The following RAD52 variants were observed in gnomAD, a reference collection of about 807,000 sequenced individuals.
RAD52 encodes the protein DNA repair protein RAD52 homolog.
Under a neutral mutation model 55.5 loss-of-function variants are expected in RAD52, and 47 were observed. The observed-to-expected ratio is 0.85, with a 90% confidence interval of 0.67 to 1.08. RAD52 has a LOEUF of 1.08. Among genes scored for constraint, RAD52 ranks in the 50% least tolerant of loss-of-function variants. The probability of loss-of-function intolerance (pLI) is 0.00; values close to 1 mark genes in which losing one functional copy is unlikely to be tolerated. For missense variants in RAD52, 468 were observed against 522.8 expected, an observed-to-expected ratio of 0.90 and a Z score of 1.02; for synonymous variants, 184 against 198.9, an observed-to-expected ratio of 0.92 and a Z score of 0.63.
chr12:978,485 A>G (rs1400648038), intron 1 of RAD52, among the ~76,000 whole-genome samples: 1 of 152,182 alleles, frequency 6.6e-6, no homozygotes, highest in African/African-American at 2.4e-5. Context: ...TTGCTTCATC[A>G]TTTTTGAATT....
At chr12:960,389 T>C (rs570897995) in intron 1 of RAD52, among the ~76,000 whole-genome samples, 1 of 152,316 alleles carries the variant, frequency 6.6e-6, no homozygotes, top group South Asian at 2.1e-4. Flanking sequence ...GGTTTTTCAC[T>C]TGAGTAACCG....
intron 9 of RAD52, 92 bp downstream of exon 9, chr12:916,252 G>A (rs1322260113): frequency 5.8e-6 from 9 of 1,550,008 alleles, no homozygotes; most frequent in East Asian, 2.3e-5. Flanking sequence ...GTTTGGAGCC[G>A]GCCCAGGGTT....
At chr12:916,155 G>A (rs1956358262) in intron 9 of RAD52, 189 bp downstream of exon 9, 5 of 1,304,048 alleles carry the variant, frequency 3.8e-6, no homozygotes, top group Non-Finnish European at 4.9e-6. Flanking sequence ...CTTTAGAAAC[G>A]GGAAAATGTA....
chr12:934,180 TTA>T (rs1404798208), intron 1 of RAD52, among the ~76,000 whole-genome samples: 1 of 151,094 alleles, frequency 6.6e-6, no homozygotes, highest in Non-Finnish European at 1.5e-5. Flanking sequence ...AAAAATTCAA[TTA>T]TCAGCCAGAC....
chr12:947,760 C>A lies in RAD52; in HGVS notation c.-19+1842G>T, dbSNP rs113538173. Among the ~76,000 whole-genome samples the A allele has an allele frequency of 6.4e-4, 97 of 151,400 alleles. No individual in the cohort carries two copies. The East Asian group carries it at 0.019, about 29-fold the overall frequency. On this transcript the variant is annotated intron_variant, in intron 1 of 11. Coordinates refer to ENST00000358495, the MANE Select transcript of RAD52 (RefSeq NM_134424.4). Reference sequence around the variant, plus strand: ...AAAATTAGCCGGGCATAGTGGCATGCGCCTGTAAGCCCAGTTACCGAGGAG... The same window carrying A: ...AAAATTAGCCGGGCATAGTGGCATGAGCCTGTAAGCCCAGTTACCGAGGAG...
intron 7 of RAD52, among the ~76,000 whole-genome samples, chr12:923,918 T>C (rs1172737998): frequency 1.3e-5 from 2 of 150,076 alleles, no homozygotes; most frequent in Non-Finnish European, 3.0e-5. Context: ...TAGCTGGGCA[T>C]GGTGGTGGCT....
rs1229809914 is a variant in RAD52 at position 912,343 on chromosome 12, T to G, written c.*1048A>C. On this transcript the variant is annotated 3_prime_UTR_variant, in exon 12 of 12. Coordinates refer to ENST00000358495, the MANE Select transcript of RAD52 (RefSeq NM_134424.4). ...CCCAGCCCTCTTCAGCTGCAGTGTA[T>G]CTTCTTATACAAAAACTCTGTTTCA... 1 of 202,146 alleles carries G rather than the reference T, an allele frequency of 4.9e-6. No homozygotes were observed. The highest frequency in any genetic ancestry group is 1.0e-5 in the Non-Finnish European group (1 of 98,430). 12.5% of individuals were successfully genotyped at this position (202,146 alleles called of 1,614,324 possible).
chr12:940,942 GA>G (rs1470223858), intron 1 of RAD52, among the ~76,000 whole-genome samples: 2 of 152,098 alleles, frequency 1.3e-5, no homozygotes, highest in African/African-American at 4.8e-5. Flanking sequence ...CAATTGAAGT[GA>G]AATTGAACTC....
chr12:933,693 A>G (rs1447461510), intron 1 of RAD52, among the ~76,000 whole-genome samples: 4 of 152,196 alleles, frequency 2.6e-5, no homozygotes, highest in Non-Finnish European at 4.4e-5. Flanking sequence ...TAAAATCAAA[A>G]TTACAAAAAA....
rs1447877256 is a variant in RAD52 at position 916,769 on chromosome 12, A to G, written c.595T>C (p.Ser199Pro). 14 of 1,614,080 alleles carry G rather than the reference A, an allele frequency of 8.7e-6. No individual in the cohort carries two copies. The highest frequency in any genetic ancestry group is 1.1e-5 in the Non-Finnish European group (13 of 1,179,984). ...TKAKRQDLEP[S>P]VEEARYNSCR... The stretch of plus-strand genomic sequence containing the variant: ...CTGTTGTATCTTGCCTCCTCCACAG[A>G]CGGTTCAAGATCTTGTCTCTTCGCT... Residue 199 changes from serine to proline, a missense_variant, in exon 8 of 12, where the codon TCT becomes CCT. Ser to Pro is a moderately conservative substitution (Grantham distance 74, BLOSUM62 -1). Transcript: ENST00000358495.
chr12:972,477 C>T (rs529144897), intron 1 of RAD52, among the ~76,000 whole-genome samples: 15 of 151,278 alleles, frequency 9.9e-5, no homozygotes, highest in East Asian at 1.9e-4. Context: ...TTAGAAGGGT[C>T]GCTCTTAGGC....
rs1957593336 is a variant in RAD52 at position 935,867 on chromosome 12, AATAAATAAAT to A, written c.-18-2801_-18-2792del. 1.4e-4 allele frequency among the ~76,000 whole-genome samples: 3 copies of A among 21,252 alleles called. No homozygotes were observed. In the Admixed American group the frequency reaches 1.6e-3, roughly 11 times the overall value. The allele number at this position is 21,252 out of a possible 152,430, so 13.9% of individuals were successfully genotyped here. The stretch of plus-strand genomic sequence containing the variant: ...AAACTCCGTCTCAAAAAAATAAATA[AATAAATAAAT>A]AAATAAATAAATAAATAAATAACTA... On this transcript the variant is annotated intron_variant, in intron 1 of 11. Transcript: ENST00000358495.
chr12:911,742 G>T lies in RAD52; in HGVS notation c.*1649C>A, dbSNP rs762690566. On this transcript the variant is annotated 3_prime_UTR_variant, in exon 12 of 12. Transcript: ENST00000358495. ...AAAAAAATTATTAAATTGGCTGGGC[G>T]CAATGGCTCATGCCTATAATTCTAG... Among the ~76,000 whole-genome samples the T allele has an allele frequency of 3.3e-5, 5 of 152,190 alleles. No homozygotes were observed. Among genetic ancestry groups the T allele is most frequent in the Non-Finnish European group, 7.3e-5 (5 of 68,044 alleles).
intron 1 of RAD52, among the ~76,000 whole-genome samples, chr12:955,173 T>A (rs944071238): frequency 6.6e-6 from 1 of 152,170 alleles, no homozygotes; most frequent in Non-Finnish European, 1.5e-5. Flanking sequence ...ATGACAGAAA[T>A]GACATTTTCA....
At chr12:978,415 A>T (rs1201988605) in intron 1 of RAD52, among the ~76,000 whole-genome samples, 1 of 152,198 alleles carries the variant, frequency 6.6e-6, no homozygotes, top group Non-Finnish European at 1.5e-5. Context: ...GTTCAAATGT[A>T]ACTTGAATTA....
intron 1 of RAD52, among the ~76,000 whole-genome samples, chr12:934,355 T>C (rs6489767): frequency 0.99 from 149,794 of 151,256 alleles, 74,190 homozygotes; most frequent in East Asian, 1. Context: ...TCCAGCTACT[T>C]GGGAGGCTGA....
intron 7 of RAD52, among the ~76,000 whole-genome samples, chr12:924,608 A>AG (rs1470485214): frequency 6.6e-6 from 1 of 152,194 alleles, no homozygotes; most frequent in Non-Finnish European, 1.5e-5. Context: ...ATGAGGCAGG[A>AG]GGAACACTCC....
At chr12:947,087 G>A (rs1373635826) in intron 1 of RAD52, among the ~76,000 whole-genome samples, 1 of 152,212 alleles carries the variant, frequency 6.6e-6, no homozygotes, top group Non-Finnish European at 1.5e-5. Flanking sequence ...AACACTTTGG[G>A]AGGCCAAGGC....
At chr12:924,706 T>C (rs932821790) in intron 7 of RAD52, among the ~76,000 whole-genome samples, 1 of 152,140 alleles carries the variant, frequency 6.6e-6, no homozygotes, top group Non-Finnish European at 1.5e-5. Context: ...GATCACGTTA[T>C]AGGTATTGAC....
Sources: allele counts gnomAD v4.1 joint callset (sites outside exome capture counted in the v4.1 genomes callset), GRCh38; gene constraint gnomAD v4.1.1; transcripts MANE v1.5; gene names NCBI Gene and HGNC (gene_info 2026-07-23, HGNC 2026-07-21).